The following ANK1 variants were observed in gnomAD, a reference collection of about 807,000 sequenced individuals.
ANK1 encodes ankyrin 1.
In ANK1, 51 loss-of-function variants were observed where a neutral mutation model predicts 210.4. That is an observed-to-expected ratio of 0.24 (90% CI 0.19 to 0.31). The LOEUF is 0.31. Ranked by LOEUF, ANK1 falls within the 10% of genes least tolerant of loss-of-function variation. The probability of loss-of-function intolerance (pLI) is 1.00; values close to 1 mark genes in which losing one functional copy is unlikely to be tolerated. For missense variants in ANK1, 2,051 were observed against 2,504.4 expected, an observed-to-expected ratio of 0.82 and a Z score of 3.86; for synonymous variants, 967 against 1,025.9, an observed-to-expected ratio of 0.94 and a Z score of 1.10.
chr8:41,729,425 C>T (rs1029363745), intron 3 of ANK1, among the ~76,000 whole-genome samples: 3 of 152,336 alleles, frequency 2.0e-5, no homozygotes, highest in African/African-American at 4.8e-5. Flanking sequence ...AGGTCTCGCT[C>T]TAACACCCAG....
chr8:41,699,372 TCCTC>T, intron 23 of ANK1, 76 bp downstream of exon 23: 2 of 1,346,736 alleles, frequency 1.5e-6, no homozygotes, highest in Non-Finnish European at 2.1e-6. Context: ...GCTGTGTCCT[TCCTC>T]CCTCTGGAAT....
Position 41,695,278 on chromosome 8 carries a change from T to G in ANK1, c.3014A>C (p.Glu1005Ala). The G allele has an allele frequency of 6.2e-7, 1 of 1,613,832 alleles. No individual in the cohort carries two copies. Among genetic ancestry groups the G allele is most frequent in the Non-Finnish European group, 8.5e-7 (1 of 1,179,988 alleles). ...GTTTTCGCTCCTCAGAACCACGAGC[T>G]CGCGGTCTCCACGGCCATGGGAGGC... ...HFASHGRGDRELVVLRSENGS... is the reference protein window; with the variant it reads ...HFASHGRGDRALVVLRSENGS... The change falls in exon 27 of 43, where the codon GAG (glutamate) becomes GCG (alanine). Residue 1005 changes from glutamate (E) to alanine (A), a missense_variant. Around this residue, in one of 6 missense-constraint regions of ANK1, gnomAD observed 1,413 missense variants for 1,707.4 expected, o/e 0.83. Transcript: ENST00000289734.
rs1347899881 is a variant in ANK1, at chr8:41,655,724, G to T, written c.*66C>A. On this transcript the variant is annotated 3_prime_UTR_variant, in exon 43 of 43. Transcript: ENST00000289734. Reference sequence around the variant, plus strand: ...CCTGTGTGCATGGCAGAGTGTGTGGGGTTCAGGGGTTGGGTGTCGAGGTGT... The same window carrying T: ...CCTGTGTGCATGGCAGAGTGTGTGGTGTTCAGGGGTTGGGTGTCGAGGTGT... 3.7e-6 allele frequency: 6 copies of T among 1,613,962 alleles called. No homozygotes were observed. In the Admixed American group the frequency reaches 5.0e-5, roughly 13 times the overall value.
chr8:41,739,755 G>C (rs1378045746), intron 2 of ANK1, among the ~76,000 whole-genome samples: 3 of 152,060 alleles, frequency 2.0e-5, no homozygotes, highest in African/African-American at 7.2e-5. Flanking sequence ...TCTTACAAAG[G>C]TAGACTGCGG....
At position 41,733,952 on chromosome 8, in the gene ANK1, C is replaced by G. The variant is rs766494215; in HGVS notation, c.228+19G>C. 35 of 1,608,410 alleles carry G rather than the reference C, an allele frequency of 2.2e-5. No individual in the cohort carries two copies. The highest frequency in any genetic ancestry group is 9.9e-5 in the South Asian group (9 of 90,964). ...TTGAATTTTCAATGCAAAGCTCCCCCACTCCCTGTGAGACATACCTTGGTT... is the reference window on the plus strand; with the variant it reads ...TTGAATTTTCAATGCAAAGCTCCCCGACTCCCTGTGAGACATACCTTGGTT... On this transcript the variant is annotated intron_variant, in intron 3 of 42. Transcript: ENST00000289734.
At position 41,896,264 on chromosome 8, in the gene ANK1, C is replaced by A. The variant is rs1481548831; in HGVS notation, c.126+91G>T. On this transcript the variant is annotated intron_variant, in intron 1 of 42. Transcript: ENST00000265709. ...CAACTCCGCCGCACCGGGCGCCGCG[C>A]CCCACCGCGTCCCGGGCCGCCCGAC... 4.9e-6 allele frequency: 7 copies of A among 1,432,330 alleles called. No individual in the cohort carries two copies. The African/African-American group carries it at 7.5e-5, about 15-fold the overall frequency. 88.7% of individuals were successfully genotyped at this position (1,432,330 alleles called of 1,614,324 possible). A position where few individuals can be genotyped will look rare whatever the true frequency, so the allele number is the denominator to read the frequency against.
intron 1 of ANK1, among the ~76,000 whole-genome samples, chr8:41,863,969 G>A (rs777909136): frequency 8.5e-5 from 13 of 152,236 alleles, no homozygotes; most frequent in Non-Finnish European, 1.9e-4. Flanking sequence ...CACTGGCCGG[G>A]CATGGTGGCT....
intron 1 of ANK1, among the ~76,000 whole-genome samples, chr8:41,871,882 C>T (rs1815572332): frequency 6.6e-6 from 1 of 152,210 alleles, no homozygotes; most frequent in Admixed American, 6.5e-5. Context: ...GCTCTGAACC[C>T]ACCCAGCACA....
chr8:41,728,298 C>A (rs959420413), intron 3 of ANK1, among the ~76,000 whole-genome samples: 3 of 152,210 alleles, frequency 2.0e-5, no homozygotes, highest in Admixed American at 2.0e-4. Context: ...AGGCCAGTAA[C>A]TTACATGAAG....
intron 20 of ANK1, among the ~76,000 whole-genome samples, chr8:41,703,450 A>ATATATATTTT (rs59985416): frequency 1.5e-4 from 9 of 58,814 alleles, no homozygotes; most frequent in South Asian, 6.3e-4. Context: ...ATATATATAT[A>ATATATATTTT]TTTTTTTTTT....
At chr8:41,693,345 G>T in intron 29 of ANK1, 144 bp from the exon 30 acceptor site, 1 of 700,630 alleles carries the variant, frequency 1.4e-6, no homozygotes, top group East Asian at 2.9e-5. Context: ...CCCTCACCCC[G>T]CTGCTCTTCC....
rs556212906 is a variant in ANK1, at chr8:41,684,388, G to A, written c.4537+156C>T. 50 of 1,251,656 alleles carry A rather than the reference G, an allele frequency of 4.0e-5. No individual in the cohort carries two copies. The East Asian group carries it at 7.4e-4, about 19-fold the overall frequency. 77.5% of individuals were successfully genotyped at this position (1,251,656 alleles called of 1,614,324 possible). On this transcript the variant is annotated intron_variant, in intron 37 of 42. Coordinates refer to ENST00000289734, the MANE Select transcript of ANK1 (RefSeq NM_000037.4). ...CTCTCTCCTTCGCCTCTGCTTCCCCGGAAAGGAGGAACTTGTTGCTGACAA... is the reference window on the plus strand; with the variant it reads ...CTCTCTCCTTCGCCTCTGCTTCCCCAGAAAGGAGGAACTTGTTGCTGACAA...
At chr8:41,769,354 G>T (rs958863358) in intron 1 of ANK1, among the ~76,000 whole-genome samples, 2 of 152,166 alleles carry the variant, frequency 1.3e-5, no homozygotes, top group African/African-American at 4.8e-5. Flanking sequence ...CTCTCGCCTT[G>T]TACCTCTGAA....
chr8:41,664,073 T>C (rs1266402728), intron 39 of ANK1: 3 of 498,764 alleles, frequency 6.0e-6, no homozygotes, highest in South Asian at 4.6e-5. Flanking sequence ...GGCACCTGTT[T>C]CCTATTTTTA....
At chr8:41,783,744 G>A (rs1301053493) in intron 1 of ANK1, among the ~76,000 whole-genome samples, 1 of 152,128 alleles carries the variant, frequency 6.6e-6, no homozygotes, top group Non-Finnish European at 1.5e-5. Context: ...TCCTTACAGA[G>A]TCACAAACCA....
chr8:41,795,048 CTTCACCTTTA>C (rs1848499235), intron 1 of ANK1, among the ~76,000 whole-genome samples: 2 of 152,194 alleles, frequency 1.3e-5, no homozygotes, highest in South Asian at 4.1e-4. Flanking sequence ...TTTTTAGTCA[CTTCACCTTTA>C]GAAAACACTC....
Position 41,661,527 on chromosome 8 carries a change from A to G in ANK1, c.5582T>C (p.Ile1861Thr), listed in dbSNP as rs760521571. The G allele has an allele frequency of 1.4e-5, 22 of 1,613,848 alleles. No homozygotes were observed. Among genetic ancestry groups the G allele is most frequent in the Non-Finnish European group, 1.9e-5 (22 of 1,180,008 alleles). The change falls in exon 42 of 43, where the codon ATA becomes ACA. Residue 1861 changes from isoleucine to threonine, a missense_variant. Coordinates refer to ENST00000289734, the MANE Select transcript of ANK1 (RefSeq NM_000037.4). The part of the protein sequence containing the change: ...LRGSGLQPDL[I>T]EGRKGAQIVK... ...TATCTGCGCCCCCTTCCTGCCCTCT[A>G]TCAGGTCCGGCTGTAGGCCACTCCC...
Position 41,714,262 on chromosome 8 carries a change from G to C in ANK1, c.1702-8C>G. The C allele has an allele frequency of 6.4e-7, 1 of 1,552,400 alleles. No homozygotes were observed. The highest frequency in any genetic ancestry group is 8.8e-7 in the Non-Finnish European group (1 of 1,141,926). On this transcript the variant is annotated splice_polypyrimidine_tract_variant and splice_region_variant and intron_variant, in intron 15 of 42. Transcript: ENST00000289734. ...CAGGGGGGTCAGGCCATTCTGCAGG[G>C]GACAAAGACAAAAGAGGCCGGCTGT...
intron 36 of ANK1, among the ~76,000 whole-genome samples, chr8:41,685,681 G>T (rs1817520840): frequency 6.6e-6 from 1 of 152,114 alleles, no homozygotes; most frequent in South Asian, 2.1e-4. Context: ...TGTTGCCCAG[G>T]CTGGAGTGCA....
Sources: allele counts gnomAD v4.1 joint callset (sites outside exome capture counted in the v4.1 genomes callset), GRCh38; gene constraint gnomAD v4.1.1; regional missense constraint gnomAD v4.1.1; transcripts MANE v1.5; gene names NCBI Gene and HGNC (gene_info 2026-07-23, HGNC 2026-07-21).